HMCN1: variants seen among roughly 807,000 people sequenced by gnomAD.
HMCN1 encodes the protein hemicentin 1, also known as hemicentin-1.
HMCN1 carries 321 observed loss-of-function variants against 625.9 expected under a neutral mutation model. The observed-to-expected ratio is 0.51, with a 90% CI of 0.47 to 0.56. The LOEUF (loss-of-function observed/expected upper bound fraction) is 0.56, where lower values mean the gene tolerates loss of function less well. Among genes scored for constraint, HMCN1 ranks in the 20% least tolerant of loss-of-function variants. The probability of loss-of-function intolerance (pLI) is 0.00; values close to 1 mark genes in which losing one functional copy is unlikely to be tolerated. For synonymous variants in HMCN1, 2,425 were observed against 2,417.6 expected (o/e 1.00, Z -0.09); for missense variants, 6,588 against 6,887.3 (o/e 0.96, Z 1.54).
intron 28 of HMCN1, among the ~76,000 whole-genome samples, chr1:186,002,070 G>A (rs1653237189): frequency 6.6e-6 from 1 of 152,048 alleles, no homozygotes; most frequent in African/African-American, 2.4e-5. Context: ...TCTTTGGGAA[G>A]TGGCTATAAC....
chr1:186,134,164 C>T (rs185430774), intron 86 of HMCN1, among the ~76,000 whole-genome samples: 290 of 151,818 alleles, frequency 1.9e-3, no homozygotes, highest in South Asian at 3.5e-3. Context: ...GTACCAGAAG[C>T]GATATTTTTA....
intron 15 of HMCN1, among the ~76,000 whole-genome samples, 167 bp from the exon 16 acceptor site, chr1:185,977,620 A>G (rs1444405614): frequency 6.6e-6 from 1 of 152,198 alleles, no homozygotes; most frequent in African/African-American, 2.4e-5. Flanking sequence ...GCAAAAAAGA[A>G]ACACCCACTG....
At chr1:186,112,600 T>G (rs1376080047) in intron 71 of HMCN1, among the ~76,000 whole-genome samples, 1 of 152,222 alleles carries the variant, frequency 6.6e-6, no homozygotes, top group South Asian at 2.1e-4. Context: ...GTCAGAGCAA[T>G]TGGGCATACT....
chr1:186,070,839 A>C (rs945946026), intron 52 of HMCN1, 82 bp downstream of exon 52: 1 of 1,332,456 alleles, frequency 7.5e-7, no homozygotes, highest in African/African-American at 1.4e-5. Context: ...AAATAGACAC[A>C]AGTGACTCAG....
rs1366908838 is a variant in HMCN1, at chr1:186,136,655, C to T, written c.13313-13C>T. The T allele has an allele frequency of 6.2e-7, 1 of 1,613,358 alleles. No individual in the cohort carries two copies. The highest frequency in any genetic ancestry group is 1.7e-4 in the Middle Eastern group (1 of 6,056). On this transcript the variant is annotated splice_polypyrimidine_tract_variant and intron_variant, in intron 86 of 106. Transcript: ENST00000271588. ...TCCACAAAAACTGAGACACTATGTGCTTTTTTCCGTAGGTCCTCCTATTAT... is the reference window on the plus strand; with the variant it reads ...TCCACAAAAACTGAGACACTATGTGTTTTTTTCCGTAGGTCCTCCTATTAT...
chr1:186,118,060 GT>G (rs527877311), intron 77 of HMCN1, among the ~76,000 whole-genome samples: 1 of 152,084 alleles, frequency 6.6e-6, no homozygotes, highest in Non-Finnish European at 1.5e-5. Flanking sequence ...AGGGTTCTAG[GT>G]TTCAAGGTTT....
chr1:186,095,650 AT>A (rs766141965), intron 68 of HMCN1, 129 bp downstream of exon 68: 48 of 887,066 alleles, frequency 5.4e-5, no homozygotes, highest in Non-Finnish European at 7.4e-5. Flanking sequence ...TTGCATTTTA[AT>A]TTTTTTTATA....
intron 36 of HMCN1, among the ~76,000 whole-genome samples, chr1:186,036,851 A>C (rs1655861614): frequency 6.6e-6 from 1 of 151,934 alleles, no homozygotes; most frequent in Non-Finnish European, 1.5e-5. Flanking sequence ...CAGCCTCCCA[A>C]AGTGCTGGGA....
At chr1:185,760,384 C>T (rs542761819) in intron 1 of HMCN1, among the ~76,000 whole-genome samples, 9 of 152,152 alleles carry the variant, frequency 5.9e-5, no homozygotes, top group East Asian at 3.9e-4. Context: ...TAGTAGAGCC[C>T]GGGTAGTTGT....
intron 3 of HMCN1, among the ~76,000 whole-genome samples, chr1:185,864,855 T>C (rs1464453338): frequency 6.6e-6 from 1 of 152,200 alleles, no homozygotes; most frequent in Admixed American, 6.5e-5. Context: ...GAAGACATGA[T>C]TGGGGATTAA....
chr1:185,835,387 A>G (rs150185419), intron 1 of HMCN1, among the ~76,000 whole-genome samples: 3 of 151,910 alleles, frequency 2.0e-5, no homozygotes, highest in Non-Finnish European at 4.4e-5. Flanking sequence ...TTGTGTAGAG[A>G]CACATGCCTC....
At chr1:186,139,597 G>GTT (rs74329100) in intron 89 of HMCN1, among the ~76,000 whole-genome samples, 1,321 of 130,420 alleles carry the variant, frequency 0.01, 12 homozygotes, top group South Asian at 0.03. Flanking sequence ...CTATTGGCTT[G>GTT]TTTTTTTTTT....
At chr1:186,045,453 C>A (rs1330883824) in intron 40 of HMCN1, among the ~76,000 whole-genome samples, 2 of 151,924 alleles carry the variant, frequency 1.3e-5, no homozygotes, top group Non-Finnish European at 2.9e-5. Flanking sequence ...TGAGAACTTC[C>A]CGTTCTAAAA....
Position 185,903,998 on chromosome 1 carries a change from G to A in HMCN1, c.622-5339G>A, listed in dbSNP as rs576190823. On this transcript the variant is annotated intron_variant, in intron 4 of 106. Coordinates refer to ENST00000271588, the MANE Select transcript of HMCN1 (RefSeq NM_031935.3). Reference sequence around the variant, plus strand: ...TGAGCCATTATATATTGATGTTTAAGTTTATTTTCACGGGATGATGTATAT... The same window carrying A: ...TGAGCCATTATATATTGATGTTTAAATTTATTTTCACGGGATGATGTATAT... Among the ~76,000 whole-genome samples, 5 of 151,980 alleles carry A rather than the reference G, an allele frequency of 3.3e-5. No individual in the cohort carries two copies. The South Asian group carries it at 1.0e-3, about 31-fold the overall frequency.
chr1:186,066,073 A>C (rs1183302401), intron 49 of HMCN1, among the ~76,000 whole-genome samples: 2 of 152,192 alleles, frequency 1.3e-5, no homozygotes, highest in African/African-American at 4.8e-5. Flanking sequence ...CCATAGATAG[A>C]AACTTCTCAT....
At chr1:186,157,647 G>T (rs1263728282) in intron 97 of HMCN1, among the ~76,000 whole-genome samples, 3 of 152,228 alleles carry the variant, frequency 2.0e-5, no homozygotes, top group African/African-American at 7.2e-5. Context: ...GTGTCCATGT[G>T]TTCTCATTGT....
intron 1 of HMCN1, among the ~76,000 whole-genome samples, chr1:185,741,139 C>A (rs1424749040): frequency 6.6e-6 from 1 of 152,164 alleles, no homozygotes; most frequent in Non-Finnish European, 1.5e-5. Context: ...ATGGAAGCAG[C>A]ATGAGGCCCT....
intron 43 of HMCN1, 79 bp from the exon 44 acceptor site, chr1:186,053,746 A>T: frequency 6.9e-7 from 1 of 1,446,142 alleles, no homozygotes; most frequent in Non-Finnish European, 9.7e-7. Context: ...GAACTGAATA[A>T]ACAAATGTCA....
intron 2 of HMCN1, among the ~76,000 whole-genome samples, chr1:185,852,229 A>C (rs1662205953): frequency 6.6e-6 from 1 of 151,984 alleles, no homozygotes; most frequent in African/African-American, 2.4e-5. Flanking sequence ...ATTTTAGAAG[A>C]ATAATTTACT....
Sources: gnomAD v4.1 joint callset for allele counts (sites outside exome capture counted in the v4.1 genomes callset) on GRCh38, gnomAD v4.1.1 for gene constraint, MANE v1.5 for transcripts, NCBI Gene and HGNC (gene_info 2026-07-23, HGNC 2026-07-21) for gene names.